The following THSD4 variants were observed in gnomAD, a reference collection of about 807,000 sequenced individuals.
THSD4 encodes the protein thrombospondin type-1 domain-containing protein 4.
In THSD4, 69 loss-of-function variants were observed where a neutral mutation model predicts 119.0. That is an observed-to-expected ratio of 0.58 (90% CI 0.48 to 0.71). THSD4 has a LOEUF of 0.71. Ranked by LOEUF, THSD4 falls within the 30% of genes least tolerant of loss-of-function variation. THSD4 has a pLI of 0.00. For synonymous variants in THSD4, 524 were observed against 540.4 expected (o/e 0.97, Z 0.42); for missense variants, 1,393 against 1,391.1 (o/e 1.00, Z -0.02).
intron 3 of THSD4, among the ~76,000 whole-genome samples, chr15:71,160,015 G>A (rs1449224149): frequency 6.6e-6 from 1 of 152,046 alleles, no homozygotes; most frequent in Admixed American, 6.6e-5. Flanking sequence ...TTTGTTGACA[G>A]TTATTATCAT....
At chr15:71,442,868 C>G (rs562088869) in intron 7 of THSD4, among the ~76,000 whole-genome samples, 28 of 150,370 alleles carry the variant, frequency 1.9e-4, no homozygotes, top group Middle Eastern at 3.4e-3. Context: ...ATCTCTGATT[C>G]TGGCAGGCAT....
At chr15:71,278,609 C>G (rs2044617799) in intron 6 of THSD4, among the ~76,000 whole-genome samples, 1 of 152,150 alleles carries the variant, frequency 6.6e-6, no homozygotes, top group Non-Finnish European at 1.5e-5. Flanking sequence ...TGAAATCTTA[C>G]TGCAGATGCT....
intron 5 of THSD4, among the ~76,000 whole-genome samples, chr15:71,256,197 C>T (rs954092182): frequency 5.3e-5 from 8 of 152,052 alleles, no homozygotes; most frequent in South Asian, 2.1e-4. Flanking sequence ...GAAAGGGGCC[C>T]GGCGCGGTGG....
At chr15:71,296,315 G>T (rs893335829) in intron 6 of THSD4, among the ~76,000 whole-genome samples, 2 of 152,126 alleles carry the variant, frequency 1.3e-5, no homozygotes, top group Non-Finnish European at 2.9e-5. Context: ...TTTAAAAATT[G>T]TCATTTCTGT....
chr15:71,301,927 G>C lies in THSD4; in HGVS notation c.1015+45212G>C, dbSNP rs2044955957. Among the ~76,000 whole-genome samples the C allele has an allele frequency of 3.3e-5, 5 of 152,256 alleles. No individual in the cohort carries two copies. The South Asian group carries it at 6.2e-4, about 19-fold the overall frequency. On this transcript the variant is annotated intron_variant, in intron 6 of 17. Transcript: ENST00000261862. ...CTTTTGAGCGAGCCCTTTAGTGTGGGGGGCTCCTGGGGGACTGAACTCCAC... is the reference window on the plus strand; with the variant it reads ...CTTTTGAGCGAGCCCTTTAGTGTGGCGGGCTCCTGGGGGACTGAACTCCAC...
chr15:71,192,571 C>T (rs557174051), intron 3 of THSD4, among the ~76,000 whole-genome samples: 19 of 152,290 alleles, frequency 1.2e-4, no homozygotes, highest in South Asian at 4.1e-4. Context: ...TGAACCACCG[C>T]GCTTGGCTCC....
intron 7 of THSD4, among the ~76,000 whole-genome samples, chr15:71,465,272 A>G (rs941240603): frequency 6.6e-6 from 1 of 152,202 alleles, no homozygotes; most frequent in Admixed American, 6.5e-5. Context: ...CTCAGTCATT[A>G]CATAATAGTC....
At chr15:71,623,645 G>T (rs954833314) in intron 7 of THSD4, among the ~76,000 whole-genome samples, 2 of 152,138 alleles carry the variant, frequency 1.3e-5, no homozygotes, top group South Asian at 4.1e-4. Context: ...AGAATCGGCC[G>T]GAAGCAGTGG....
At position 71,209,813 on chromosome 15, in the gene THSD4, C is replaced by A. The variant is rs572780298; in HGVS notation, c.100-5222C>A. Among the ~76,000 whole-genome samples the A allele has an allele frequency of 2.0e-5, 3 of 152,048 alleles. No homozygotes were observed. In the East Asian group the frequency reaches 5.8e-4, roughly 29 times the overall value. On this transcript the variant is annotated intron_variant, in intron 3 of 17. Transcript: ENST00000261862. ...GTGGGAGGCAACTGAATCATGGGGG[C>A]GGGTCTTTCCTGTGCTATTCTTATG...
chr15:71,578,576 A>G lies in THSD4; in HGVS notation c.1153-81954A>G, dbSNP rs924444242. 1.3e-4 allele frequency among the ~76,000 whole-genome samples: 19 copies of G among 151,954 alleles called. No homozygotes were observed. The East Asian group carries it at 3.3e-3, about 26-fold the overall frequency. On this transcript the variant is annotated intron_variant, in intron 7 of 17. Transcript: ENST00000261862. ...GGTCTCAAACTCCTGAGCTCAGGCA[A>G]TCCACCTGCCTCAGCCTCCCAAAGT... is the stretch of plus-strand genomic sequence containing the variant.
intron 1 of THSD4, among the ~76,000 whole-genome samples, chr15:71,139,237 G>A (rs2040579295): frequency 6.6e-6 from 1 of 152,100 alleles, no homozygotes; most frequent in South Asian, 2.1e-4. Flanking sequence ...ACCCTGTGTT[G>A]TTCTGGATAA....
At chr15:71,681,670 G>A (rs1417499772) in intron 8 of THSD4, among the ~76,000 whole-genome samples, 6 of 123,254 alleles carry the variant, frequency 4.9e-5, no homozygotes, top group African/African-American at 9.6e-5. Flanking sequence ...GTGAAACTTC[G>A]TCTCAAAAAA....
chr15:71,401,267 G>C (rs1030672247), intron 6 of THSD4, among the ~76,000 whole-genome samples: 1 of 152,144 alleles, frequency 6.6e-6, no homozygotes, highest in African/African-American at 2.4e-5. Context: ...AAGAAGTTTT[G>C]TAGTTTTTTG....
At chr15:71,498,946 C>T (rs1356167436) in intron 7 of THSD4, among the ~76,000 whole-genome samples, 1 of 151,262 alleles carries the variant, frequency 6.6e-6, no homozygotes, top group East Asian at 1.9e-4. Context: ...CTCAAGCAGT[C>T]CACCTGCCTT....
chr15:71,675,140 T>C (rs967043930), intron 8 of THSD4, among the ~76,000 whole-genome samples: 1 of 152,138 alleles, frequency 6.6e-6, no homozygotes, highest in Non-Finnish European at 1.5e-5. Context: ...CTAGATTGCT[T>C]ATCTCTGAAC....
chr15:71,323,618 C>T (rs2045303505), intron 6 of THSD4, among the ~76,000 whole-genome samples: 2 of 151,938 alleles, frequency 1.3e-5, no homozygotes, highest in South Asian at 2.1e-4. Context: ...GTGGGTGTCC[C>T]GAGGTGGCAA....
chr15:71,332,922 T>G (rs1185205758), intron 6 of THSD4, among the ~76,000 whole-genome samples: 1 of 137,538 alleles, frequency 7.3e-6, no homozygotes, highest in African/African-American at 2.8e-5. Context: ...TCATCAGCTA[T>G]TGTTAGTGTT....
intron 8 of THSD4, among the ~76,000 whole-genome samples, chr15:71,698,990 C>G (rs949150751): frequency 1.3e-5 from 2 of 152,196 alleles, no homozygotes; most frequent in South Asian, 2.1e-4. Context: ...TCCTAGAGCT[C>G]TACGATACAG....
chr15:71,674,158 C>G (rs1230061129), intron 8 of THSD4, among the ~76,000 whole-genome samples: 1 of 152,210 alleles, frequency 6.6e-6, no homozygotes, highest in Non-Finnish European at 1.5e-5. Flanking sequence ...GCCTCTCCAC[C>G]TTACTCCCCC....
Sources: allele counts gnomAD v4.1 joint callset (sites outside exome capture counted in the v4.1 genomes callset), GRCh38; gene constraint gnomAD v4.1.1; transcripts MANE v1.5; gene names NCBI Gene and HGNC (gene_info 2026-07-23, HGNC 2026-07-21).